Variants in CAPRIN1 observed in about 807,000 individuals in gnomAD.
CAPRIN1 encodes cell cycle associated protein 1, also known as caprin-1.
A neutral mutation model predicts 100.9 loss-of-function variants in CAPRIN1; 29 were observed. The ratio of observed to expected loss-of-function variants is 0.29; its 90% CI spans 0.21 to 0.39. The LOEUF is 0.39. Among genes scored for constraint, CAPRIN1 ranks in the 10% least tolerant of loss-of-function variants. The pLI is 1.00. For missense variants in CAPRIN1, 795 were observed against 876.7 expected, an observed-to-expected ratio of 0.91 and a Z score of 1.18; for synonymous variants, 338 against 307.5, an observed-to-expected ratio of 1.10 and a Z score of -1.04.
rs2134140434 is a variant in CAPRIN1, at chr11:34,098,127, TTTA to T, written c.2065+372_2065+374del. ...GAATGAGATTGAACATTTATATAAA[TTTA>T]TTATTCCTCTTTCATTTTTTTGAAA... On this transcript the variant is annotated intron_variant, in intron 18 of 18. Transcript: ENST00000341394. 1.3e-5 allele frequency: 13 copies of T among 1,001,824 alleles called. No homozygotes were observed. In the South Asian group the frequency reaches 5.6e-4, roughly 43 times the overall value. The allele number at this position is 1,001,824 out of a possible 1,614,324, so 62.1% of individuals were successfully genotyped here.
At position 34,086,126 on chromosome 11, in the gene CAPRIN1, T is replaced by C; in HGVS notation, c.1029T>C (p.Ser343=). 1.2e-6 allele frequency: 2 copies of C among 1,614,062 alleles called. No homozygotes were observed. The highest frequency in any genetic ancestry group is 1.6e-4 in the Middle Eastern group (1 of 6,062). The change falls in exon 10 of 19, where the codon TCT becomes TCC. Residue 343 remains serine, a synonymous_variant. Transcript: ENST00000341394. ...AASPSVPEPH[S]LTPVAQADPL... ...CCCCTTCAGTACCAGAGCCCCACTC[T>C]TTGACTCCAGTGGCTCAGGCAGATC...
At chr11:34,079,093 C>T (rs1225928305) in intron 6 of CAPRIN1, among the ~76,000 whole-genome samples, 1 of 152,162 alleles carries the variant, frequency 6.6e-6, no homozygotes, top group East Asian at 1.9e-4. Context: ...CTTTTTCCAC[C>T]TAACTAGTTT....
At chr11:34,067,807 T>C (rs1323740832) in intron 2 of CAPRIN1, among the ~76,000 whole-genome samples, 1 of 152,168 alleles carries the variant, frequency 6.6e-6, no homozygotes, top group Non-Finnish European at 1.5e-5. Flanking sequence ...CCATAATGTG[T>C]AGATCTTTAT....
intron 11 of CAPRIN1, among the ~76,000 whole-genome samples, chr11:34,087,027 CA>C (rs1327855252): frequency 6.6e-6 from 1 of 152,138 alleles, no homozygotes; most frequent in Non-Finnish European, 1.5e-5. Flanking sequence ...AAGACAGTTT[CA>C]GACTCTTTCT....
At chr11:34,068,708 G>T (rs550798153) in intron 2 of CAPRIN1, among the ~76,000 whole-genome samples, 121 of 152,328 alleles carry the variant, frequency 7.9e-4, no homozygotes, top group African/African-American at 2.9e-3. Flanking sequence ...TCATTGCACA[G>T]TAGTTAAGTG....
At position 34,092,034 on chromosome 11, in the gene CAPRIN1, T is replaced by G; in HGVS notation, c.1683T>G (p.Leu561=). The change falls in exon 15 of 19, where the codon CTT becomes CTG. Residue 561 remains leucine (L), a synonymous_variant. Coordinates refer to ENST00000341394, the MANE Select transcript of CAPRIN1 (RefSeq NM_005898.5). ...CTCACCAAGTAGAACAAACAGAGCTTCAGCAAGAACAGCTTCAAACAGGTA... is the reference window on the plus strand; with the variant it reads ...CTCACCAAGTAGAACAAACAGAGCTGCAGCAAGAACAGCTTCAAACAGGTA... ...SQPHQVEQTE[L]QQEQLQTVVG... 6.2e-7 allele frequency: 1 copy of G among 1,614,034 alleles called. No individual in the cohort carries two copies. Among genetic ancestry groups the G allele is most frequent in the Non-Finnish European group, 8.5e-7 (1 of 1,179,960 alleles).
At chr11:34,052,686 G>T (rs763920511) in intron 2 of CAPRIN1, 50 bp downstream of exon 2, 1 of 1,537,610 alleles carries the variant, frequency 6.5e-7, no homozygotes, top group Non-Finnish European at 8.8e-7. Context: ...CGGGCTCTGC[G>T]GCCCCTCCGA....
rs1850527372 is a variant in CAPRIN1, at chr11:34,059,446, T to C, written c.216+6810T>C. 2.0e-5 allele frequency among the ~76,000 whole-genome samples: 3 copies of C among 152,188 alleles called. 1 individual carries two copies. In the South Asian group the frequency reaches 6.2e-4, roughly 31 times the overall value. On this transcript the variant is annotated intron_variant, in intron 2 of 18. Coordinates refer to ENST00000341394, the MANE Select transcript of CAPRIN1 (RefSeq NM_005898.5). ...ACCACACCTGGCTAATTTTTTGTAT[T>C]TTTAGTAGAGACGGGGTTTCGCCAT...
chr11:34,088,690 A>C (rs1360671292), intron 11 of CAPRIN1, among the ~76,000 whole-genome samples: 1 of 152,064 alleles, frequency 6.6e-6, no homozygotes, highest in Non-Finnish European at 1.5e-5. Context: ...ACAAAAGGTC[A>C]AAATGGAATA....
chr11:34,090,774 A>G, intron 14 of CAPRIN1, 96 bp downstream of exon 14: 3 of 1,048,312 alleles, frequency 2.9e-6, no homozygotes, highest in Non-Finnish European at 4.2e-6. Context: ...ACTGTGCTTG[A>G]GTCTGCATCT....
chr11:34,074,577 C>T (rs904934605), intron 4 of CAPRIN1, among the ~76,000 whole-genome samples: 2 of 152,136 alleles, frequency 1.3e-5, no homozygotes, highest in South Asian at 4.1e-4. Flanking sequence ...TTCCTGCCTC[C>T]ACCTACCTAT....
At chr11:34,052,732 G>A (rs924282623) in intron 2 of CAPRIN1, 96 bp downstream of exon 2, 2 of 1,454,240 alleles carry the variant, frequency 1.4e-6, no homozygotes, top group Non-Finnish European at 1.9e-6. Context: ...TTTTCGTCTC[G>A]GGAGCGTTAC....
At chr11:34,099,030 G>T in intron 18 of CAPRIN1, 1 of 1,319,866 alleles carries the variant, frequency 7.6e-7, no homozygotes, top group South Asian at 1.7e-5. Flanking sequence ...CACATAGTAG[G>T]CACTCAATAA....
chr11:34,073,909 G>T (rs1007572790), intron 4 of CAPRIN1, among the ~76,000 whole-genome samples: 1 of 152,190 alleles, frequency 6.6e-6, no homozygotes, highest in Admixed American at 6.5e-5. Context: ...ACTTCTGGAT[G>T]CTGGGAAGTC....
At chr11:34,067,142 A>G (rs1850715039) in intron 2 of CAPRIN1, among the ~76,000 whole-genome samples, 1 of 151,958 alleles carries the variant, frequency 6.6e-6, no homozygotes, top group South Asian at 2.1e-4. Context: ...GTTGACCAAG[A>G]TGGTCTTGAA....
intron 2 of CAPRIN1, among the ~76,000 whole-genome samples, chr11:34,064,741 TTTG>T (rs775781017): frequency 3.3e-5 from 5 of 152,136 alleles, no homozygotes; most frequent in Non-Finnish European, 7.3e-5. Context: ...GTGGTATGCC[TTTG>T]TTTTTTCTCT....
At chr11:34,092,646 C>T (rs1851285356) in intron 15 of CAPRIN1, among the ~76,000 whole-genome samples, 1 of 152,142 alleles carries the variant, frequency 6.6e-6, no homozygotes, top group Non-Finnish European at 1.5e-5. Flanking sequence ...AGGCGTGAGC[C>T]ATTGCACCTG....
chr11:34,065,574 G>A (rs988556433), intron 2 of CAPRIN1, among the ~76,000 whole-genome samples: 9 of 152,158 alleles, frequency 5.9e-5, no homozygotes, highest in Non-Finnish European at 1.0e-4. Flanking sequence ...AATCACTGAC[G>A]TAAACCAACA....
rs564224779 is a variant in CAPRIN1 at position 34,100,947 on chromosome 11, C to T, written c.*1580C>T. 3.9e-5 allele frequency: 6 copies of T among 152,560 alleles called. No homozygotes were observed. Among genetic ancestry groups the T allele is most frequent in the Non-Finnish European group, 5.9e-5 (4 of 68,010 alleles). The allele number at this position is 152,560 out of a possible 1,614,324, so 9.5% of individuals were successfully genotyped here. A position where few individuals can be genotyped will look rare whatever the true frequency, so the allele number is the denominator to read the frequency against. ...TAAATTTTATTTTCAGCATTTAGCC[C>T]AGGAATTCTTCCAGTAGGTGCTCAG... On this transcript the variant is annotated 3_prime_UTR_variant, in exon 19 of 19. Coordinates refer to ENST00000341394, the MANE Select transcript of CAPRIN1 (RefSeq NM_005898.5).
Sources: gnomAD v4.1 joint callset for allele counts (sites outside exome capture counted in the v4.1 genomes callset) on GRCh38, gnomAD v4.1.1 for gene constraint, MANE v1.5 for transcripts, NCBI Gene and HGNC (gene_info 2026-07-23, HGNC 2026-07-21) for gene names.